The following MED27 variants were observed in gnomAD, a reference collection of about 807,000 sequenced individuals.
MED27 encodes the protein mediator complex subunit 27.
A neutral mutation model predicts 38.2 loss-of-function variants in MED27; 30 were observed. That is an observed-to-expected ratio of 0.79 (90% CI 0.59 to 1.07). The LOEUF (loss-of-function observed/expected upper bound fraction) is 1.07. Ranked by LOEUF, MED27 falls within the 50% of genes least tolerant of loss-of-function variation. MED27 has a pLI of 0.00. For missense variants in MED27, 289 were observed against 397.5 expected (o/e 0.73, Z 2.32); for synonymous variants, 122 against 153.5 (o/e 0.79, Z 1.52).
intron 4 of MED27, among the ~76,000 whole-genome samples, chr9:131,931,191 G>A (rs951695655): frequency 6.6e-6 from 1 of 152,218 alleles, no homozygotes; most frequent in African/African-American, 2.4e-5. Context: ...GCTGCAGTGA[G>A]CCAAGATTGT....
In MED27 at chr9:131,965,986, AC is replaced by A. The variant is rs199742384; in HGVS notation, c.480-26513del. Among the ~76,000 whole-genome samples, 1,209 of 150,826 alleles carry A rather than the reference AC, an allele frequency of 8.0e-3. 74 individuals carry two copies. The highest frequency in any genetic ancestry group is 0.07 in the Admixed American group (1,059 of 15,062). On this transcript the variant is annotated intron_variant, in intron 3 of 7. Transcript: ENST00000292035. ...GCAAGACAGCAGGTGACCTTCAGAG[AC>A]CCGGGAGTCTTTAGTGCTCGCAACC...
At chr9:131,966,383 C>CAAAAAAA (rs749607968) in intron 3 of MED27, among the ~76,000 whole-genome samples, 600 of 36,718 alleles carry the variant, frequency 0.016, 80 homozygotes, top group African/African-American at 0.037. Flanking sequence ...GACCCTGTCA[C>CAAAAAAA]AAAAAAAAAA....
At chr9:132,021,584 A>G (rs1832717438) in intron 2 of MED27, among the ~76,000 whole-genome samples, 1 of 152,204 alleles carries the variant, frequency 6.6e-6, no homozygotes, top group Non-Finnish European at 1.5e-5. Context: ...TCTGCCTTGC[A>G]TGGTCTGAGA....
intron 2 of MED27, among the ~76,000 whole-genome samples, chr9:132,016,852 A>C (rs1832613834): frequency 6.6e-6 from 1 of 152,190 alleles, no homozygotes; most frequent in Non-Finnish European, 1.5e-5. Context: ...CAAACAAACA[A>C]ACAAACAAAA....
Position 132,022,547 on chromosome 9 carries a change from T to A in MED27, c.349-8080A>T, listed in dbSNP as rs1359557931. 2.0e-5 allele frequency among the ~76,000 whole-genome samples: 3 copies of A among 152,184 alleles called. No homozygotes were observed. In the South Asian group the frequency reaches 6.2e-4, roughly 32 times the overall value. On this transcript the variant is annotated intron_variant, in intron 2 of 7. Coordinates refer to ENST00000292035, the MANE Select transcript of MED27 (RefSeq NM_004269.4). ...GAGCAGTCTGCGCTTGACTTCCTAG[T>A]ACAAAAATCAACATCAGTGAAATTT...
At chr9:131,930,043 A>AGAG (rs940357896) in intron 4 of MED27, among the ~76,000 whole-genome samples, 24 of 152,312 alleles carry the variant, frequency 1.6e-4, no homozygotes, top group African/African-American at 5.8e-4. Context: ...AGAGAGAGAG[A>AGAG]GAGGCTCCCT....
At chr9:132,048,937 A>C (rs1833403709) in intron 2 of MED27, among the ~76,000 whole-genome samples, 1 of 152,218 alleles carries the variant, frequency 6.6e-6, no homozygotes, top group Non-Finnish European at 1.5e-5. Context: ...TAAATGAGAG[A>C]TGTCCTGTTA....
chr9:131,916,858 CTT>C (rs1334051019), intron 4 of MED27, among the ~76,000 whole-genome samples: 3 of 152,176 alleles, frequency 2.0e-5, no homozygotes, highest in East Asian at 1.9e-4. Context: ...CCACAATCCT[CTT>C]TGCACACAGC....
intron 3 of MED27, among the ~76,000 whole-genome samples, chr9:131,971,236 GGAA>G (rs1333624552): frequency 6.6e-6 from 1 of 152,182 alleles, no homozygotes; most frequent in South Asian, 2.1e-4. Context: ...AAGCATGCTG[GGAA>G]GAAGGACACC....
At chr9:131,960,002 T>C (rs1831181864) in intron 3 of MED27, among the ~76,000 whole-genome samples, 1 of 152,106 alleles carries the variant, frequency 6.6e-6, no homozygotes, top group Middle Eastern at 3.2e-3. Context: ...ATCAAGGAAA[T>C]TTACAGGAAC....
intron 6 of MED27, among the ~76,000 whole-genome samples, chr9:131,878,176 G>T (rs1838970862): frequency 6.6e-6 from 1 of 151,926 alleles, no homozygotes; most frequent in African/African-American, 2.4e-5. Flanking sequence ...TAGGGGCTGA[G>T]GCAGGAGAAT....
At chr9:131,873,611 T>C (rs1461443001) in intron 6 of MED27, among the ~76,000 whole-genome samples, 1 of 152,136 alleles carries the variant, frequency 6.6e-6, no homozygotes, top group Non-Finnish European at 1.5e-5. Context: ...CTCTGCTTAA[T>C]GAAGGAGCCA....
intron 3 of MED27, among the ~76,000 whole-genome samples, chr9:131,993,030 G>T (rs9411425): frequency 0.6 from 91,719 of 151,886 alleles, 28,521 homozygotes; most frequent in Non-Finnish European, 0.67. Flanking sequence ...GACCCGGGGT[G>T]CAAGCCCAAG....
chr9:131,943,699 G>C, intron 3 of MED27, among the ~76,000 whole-genome samples: 1 of 152,244 alleles, frequency 6.6e-6, no homozygotes, highest in East Asian at 1.9e-4. Context: ...AAATTGAGCA[G>C]TGAGTCACAA....
intron 4 of MED27, among the ~76,000 whole-genome samples, chr9:131,914,862 C>G (rs1030380273): frequency 2.0e-5 from 3 of 152,180 alleles, no homozygotes; most frequent in African/African-American, 7.2e-5. Flanking sequence ...GGATATGCTT[C>G]TCAGGAAGAA....
chr9:131,971,886 T>A (rs939638617), intron 3 of MED27, among the ~76,000 whole-genome samples: 1 of 152,200 alleles, frequency 6.6e-6, no homozygotes, highest in Non-Finnish European at 1.5e-5. Context: ...CACTATCAGA[T>A]TTAAACCATT....
intron 6 of MED27, among the ~76,000 whole-genome samples, chr9:131,866,628 C>G (rs1838741372): frequency 6.6e-6 from 1 of 152,184 alleles, no homozygotes; most frequent in South Asian, 2.1e-4. Flanking sequence ...TTGGGCGAGG[C>G]ACTTCATCTT....
intron 3 of MED27, among the ~76,000 whole-genome samples, chr9:131,979,481 T>A (rs1468030886): frequency 6.1e-5 from 3 of 48,820 alleles, no homozygotes; most frequent in African/African-American, 7.3e-5. Flanking sequence ...TAAAAGCTGT[T>A]CCAAAAAAAA....
chr9:131,980,125 A>G (rs1440424397), intron 3 of MED27, among the ~76,000 whole-genome samples: 1 of 150,162 alleles, frequency 6.7e-6, no homozygotes, highest in African/African-American at 2.4e-5. Context: ...ATATGTGTGT[A>G]TATATTATAG....
Sources: gnomAD v4.1 joint callset for allele counts (sites outside exome capture counted in the v4.1 genomes callset) on GRCh38, gnomAD v4.1.1 for gene constraint, MANE v1.5 for transcripts, NCBI Gene and HGNC (gene_info 2026-07-23, HGNC 2026-07-21) for gene names.